The following LRBA variants were observed in gnomAD, a reference collection of about 807,000 sequenced individuals.
The protein encoded by LRBA is LPS responsive beige-like anchor protein, also known as lipopolysaccharide-responsive and beige-like anchor protein.
LRBA carries 176 observed loss-of-function variants against 330.0 expected under a neutral mutation model. The ratio of observed to expected loss-of-function variants is 0.53; its 90% confidence interval spans 0.47 to 0.60. The LOEUF is 0.60. Ranked by LOEUF, LRBA falls within the 20% of genes least tolerant of loss-of-function variation. The pLI, the probability that LRBA is intolerant of heterozygous loss-of-function variation, is 0.00. For synonymous variants in LRBA, 1,230 were observed against 1,193.0 expected, an observed-to-expected ratio of 1.03 and a Z score of -0.64; for missense variants, 3,259 against 3,444.8, an observed-to-expected ratio of 0.95 and a Z score of 1.35.
At chr4:150,949,277 T>A (rs148128432) in intron 2 of LRBA, among the ~76,000 whole-genome samples, 1 of 152,174 alleles carries the variant, frequency 6.6e-6, no homozygotes, top group East Asian at 1.9e-4. Context: ...AGGAACAAAC[T>A]ATTGACACAC....
At position 150,583,908 on chromosome 4, in the gene LRBA, G is replaced by A; in HGVS notation, c.6330+4140C>T. On this transcript the variant is annotated intron_variant, in intron 40 of 56. Transcript: ENST00000651943. The surrounding 1 kb of genome is among the most constrained non-coding windows in gnomAD (Gnocchi z 9.8). ...ACCCACGAGAAACGGACTGGGACGA[G>A]TCGTGCCTGGGCGACCGGCTCAACG... 6.2e-7 allele frequency: 1 copy of A among 1,613,060 alleles called. No individual in the cohort carries two copies.
At chr4:150,290,415 T>C (rs1252735374) in intron 53 of LRBA, among the ~76,000 whole-genome samples, 2 of 152,208 alleles carry the variant, frequency 1.3e-5, no homozygotes, top group South Asian at 2.1e-4. Flanking sequence ...TCTGAGATAG[T>C]AGGATCTCCC....
chr4:150,967,746 T>C (rs994179393), intron 2 of LRBA, among the ~76,000 whole-genome samples: 4 of 152,224 alleles, frequency 2.6e-5, no homozygotes, highest in African/African-American at 9.7e-5. Flanking sequence ...ATTATTATAT[T>C]TGTTATGATG....
At chr4:150,401,158 A>G (rs577074502) in intron 47 of LRBA, among the ~76,000 whole-genome samples, 2 of 152,364 alleles carry the variant, frequency 1.3e-5, no homozygotes, top group African/African-American at 2.4e-5. Context: ...AGGACCTATC[A>G]GAAGCTCGGA....
At chr4:150,549,340 TA>T (rs1351285432) in intron 40 of LRBA, among the ~76,000 whole-genome samples, 5 of 151,804 alleles carry the variant, frequency 3.3e-5, no homozygotes, top group Non-Finnish European at 5.9e-5. Context: ...TTTATTTTTT[TA>T]TTTTTTTTTA....
intron 40 of LRBA, among the ~76,000 whole-genome samples, chr4:150,556,343 T>A (rs1207305642): frequency 6.6e-6 from 1 of 152,194 alleles, no homozygotes; most frequent in South Asian, 2.1e-4. Flanking sequence ...AAACAGCAAC[T>A]ATGTTTGAAG....
chr4:150,690,517 A>G (rs1328112994), intron 36 of LRBA, among the ~76,000 whole-genome samples: 1 of 138,142 alleles, frequency 7.2e-6, no homozygotes, highest in Non-Finnish European at 1.6e-5. Flanking sequence ...AAAAAAAAAA[A>G]GGTAATAACA....
At chr4:150,434,314 T>TAG (rs1400132859) in intron 46 of LRBA, among the ~76,000 whole-genome samples, 1 of 152,208 alleles carries the variant, frequency 6.6e-6, no homozygotes, top group Non-Finnish European at 1.5e-5. Context: ...AGCAAAATTC[T>TAG]AGTAAGGACT....
chr4:150,844,534 G>A, intron 27 of LRBA, 124 bp downstream of exon 27: 4 of 778,718 alleles, frequency 5.1e-6, no homozygotes, highest in Non-Finnish European at 7.9e-6. Flanking sequence ...GTTATATGCA[G>A]GCCTAAAGTA....
chr4:150,584,868 TTAGAAAA>T (rs754737953), intron 40 of LRBA, among the ~76,000 whole-genome samples: 1 of 152,130 alleles, frequency 6.6e-6, no homozygotes, highest in Non-Finnish European at 1.5e-5. Flanking sequence ...ACCCAAATCC[TTAGAAAA>T]TAGAAAACAC....
intron 44 of LRBA, among the ~76,000 whole-genome samples, chr4:150,454,754 C>T (rs541576969): frequency 2.4e-4 from 36 of 152,074 alleles, no homozygotes; most frequent in African/African-American, 8.0e-4. Context: ...CCTTCTAAGT[C>T]TCCAATGTCC....
chr4:150,544,944 TGAATCTGGAGTCA>T (rs1765703169), intron 40 of LRBA, among the ~76,000 whole-genome samples: 1 of 152,202 alleles, frequency 6.6e-6, no homozygotes, highest in South Asian at 2.1e-4. Flanking sequence ...TTTCATGTGG[TGAATCTGGAGTCA>T]GAACCCTAGA....
intron 52 of LRBA, among the ~76,000 whole-genome samples, chr4:150,305,322 CTG>C (rs984576605): frequency 1.1e-4 from 16 of 152,338 alleles, no homozygotes; most frequent in African/African-American, 3.6e-4. Context: ...AGTCACTGCT[CTG>C]TTTCTCCAAT....
intron 36 of LRBA, among the ~76,000 whole-genome samples, chr4:150,715,904 T>G (rs1199949260): frequency 2.0e-5 from 3 of 152,218 alleles, no homozygotes; most frequent in African/African-American, 7.2e-5. Flanking sequence ...ATCCTTATGT[T>G]TTTTAGATGC....
intron 34 of LRBA, 87 bp from the exon 35 acceptor site, chr4:150,761,934 A>G (rs1735151433): frequency 1.4e-6 from 1 of 721,670 alleles, no homozygotes; most frequent in Non-Finnish European, 2.4e-6. Flanking sequence ...AATATCACCC[A>G]TATCAATTTC....
intron 31 of LRBA, among the ~76,000 whole-genome samples, chr4:150,815,413 G>C (rs1158253994): frequency 6.6e-6 from 1 of 151,586 alleles, no homozygotes; most frequent in Non-Finnish European, 1.5e-5. Context: ...ATTTGCTAGA[G>C]TTTCATGCCC....
At chr4:150,619,587 CTATT>C (rs1378368593) in intron 37 of LRBA, among the ~76,000 whole-genome samples, 2 of 152,118 alleles carry the variant, frequency 1.3e-5, no homozygotes, top group East Asian at 3.8e-4. Context: ...TTGTAACAGT[CTATT>C]TGTTATTACT....
intron 42 of LRBA, among the ~76,000 whole-genome samples, chr4:150,473,554 A>T (rs1756387925): frequency 6.6e-6 from 1 of 152,116 alleles, no homozygotes; most frequent in Non-Finnish European, 1.5e-5. Flanking sequence ...AGAAAGGGTG[A>T]ATTCCCTCTT....
At chr4:150,604,534 G>A (rs1774439006) in intron 37 of LRBA, among the ~76,000 whole-genome samples, 1 of 152,000 alleles carries the variant, frequency 6.6e-6, no homozygotes. Flanking sequence ...TTATTTACCT[G>A]AGTCAGCTGT....
Sources: gnomAD v4.1 joint callset for allele counts (sites outside exome capture counted in the v4.1 genomes callset) on GRCh38, gnomAD v4.1.1 for gene constraint, Gnocchi (gnomAD v3.1) non-coding constraint, MANE v1.5 for transcripts, NCBI Gene and HGNC (gene_info 2026-07-23, HGNC 2026-07-21) for gene names.